MTUS2: variants seen among roughly 807,000 people sequenced by gnomAD.
MTUS2 encodes microtubule associated scaffold protein 2.
A neutral mutation model predicts 114.1 loss-of-function variants in MTUS2; 40 were observed. The observed-to-expected ratio is 0.35, with a 90% CI of 0.27 to 0.46. MTUS2 has a LOEUF of 0.46. Ranked by LOEUF, MTUS2 falls within the 20% of genes least tolerant of loss-of-function variation. The probability of loss-of-function intolerance (pLI) is 1.00; values close to 1 mark genes in which losing one functional copy is unlikely to be tolerated. For synonymous variants in MTUS2, 688 were observed against 672.0 expected (o/e 1.02, Z -0.37); for missense variants, 1,679 against 1,705.4 (o/e 0.98, Z 0.27).
intron 7 of MTUS2, among the ~76,000 whole-genome samples, chr13:29,334,696 G>T (rs1254111354): frequency 1.3e-5 from 2 of 152,068 alleles, no homozygotes; most frequent in African/African-American, 2.4e-5. Flanking sequence ...TGCTCTTCTC[G>T]AGGAGTATCT....
chr13:29,143,359 A>G (rs888860862), intron 5 of MTUS2, among the ~76,000 whole-genome samples: 3 of 152,176 alleles, frequency 2.0e-5, no homozygotes, highest in African/African-American at 7.2e-5. Flanking sequence ...TTTTTTCTAA[A>G]TTTGGTGCTC....
intron 9 of MTUS2, among the ~76,000 whole-genome samples, chr13:29,457,229 C>T (rs1052833933): frequency 6.6e-6 from 1 of 151,696 alleles, no homozygotes; most frequent in Non-Finnish European, 1.5e-5. Context: ...GCTATGAATA[C>T]ATCTATGTAA....
intron 7 of MTUS2, among the ~76,000 whole-genome samples, chr13:29,327,148 G>C (rs1320699851): frequency 2.8e-5 from 1 of 36,112 alleles, no homozygotes; most frequent in Non-Finnish European, 1.3e-4. Flanking sequence ...AAATGTATAA[G>C]TAAAAGGATG....
chr13:29,343,727 G>A (rs9506156), intron 7 of MTUS2, among the ~76,000 whole-genome samples: 29,448 of 151,656 alleles, frequency 0.19, 2,973 homozygotes, highest in Non-Finnish European at 0.23. Context: ...CTAGTTTCTC[G>A]AGGTATGACC....
rs753122727 is a variant in MTUS2 at position 29,498,402 on chromosome 13, C to A, written c.3679-16C>A. On this transcript the variant is annotated splice_polypyrimidine_tract_variant and intron_variant, in intron 13 of 15. Transcript: ENST00000612955. ...GGGAATCCTGGTCAACAGCTCATGG[C>A]TCTCTGCCTCTGTAGATTGCATTGG... 1.0e-4 allele frequency: 167 copies of A among 1,613,820 alleles called. No homozygotes were observed. Among genetic ancestry groups the A allele is most frequent in the Non-Finnish European group, 1.3e-4 (159 of 1,179,896 alleles).
At chr13:29,277,622 A>G (rs929578984) in intron 5 of MTUS2, among the ~76,000 whole-genome samples, 1 of 152,222 alleles carries the variant, frequency 6.6e-6, no homozygotes, top group African/African-American at 2.4e-5. Flanking sequence ...CAGACAGTGG[A>G]TATTTGTTCA....
At chr13:29,322,923 T>A (rs1900313449) in intron 6 of MTUS2, among the ~76,000 whole-genome samples, 1 of 152,142 alleles carries the variant, frequency 6.6e-6, no homozygotes, top group South Asian at 2.1e-4. Flanking sequence ...AATGATTGCT[T>A]AACTAAATGA....
chr13:29,366,816 T>G (rs1468983009), intron 8 of MTUS2, among the ~76,000 whole-genome samples: 1 of 152,146 alleles, frequency 6.6e-6, no homozygotes, highest in Admixed American at 6.5e-5. Flanking sequence ...AGCCCTCTCC[T>G]TGGTTCCTTT....
intron 6 of MTUS2, among the ~76,000 whole-genome samples, chr13:29,291,093 G>A (rs796234603): frequency 1.3e-5 from 2 of 152,160 alleles, no homozygotes; most frequent in South Asian, 2.1e-4. Context: ...GCAGGTACCC[G>A]AGAACCCAAC....
chr13:28,888,383 G>A (rs1427815148), intron 2 of MTUS2, among the ~76,000 whole-genome samples: 1 of 151,042 alleles, frequency 6.6e-6, no homozygotes, highest in East Asian at 1.9e-4. Context: ...ATATCAGATG[G>A]AGAAGACCCC....
Position 28,963,664 on chromosome 13 carries a change from A to T in MTUS2, c.-242-60793A>T, listed in dbSNP as rs112807897. 3.5e-3 allele frequency among the ~76,000 whole-genome samples: 536 copies of T among 152,298 alleles called. 2 individuals carry two copies. Among genetic ancestry groups the T allele is most frequent in the African/African-American group, 0.012 (517 of 41,558 alleles). On this transcript the variant is annotated intron_variant, in intron 2 of 15. Coordinates refer to ENST00000612955, the MANE Select transcript of MTUS2 (RefSeq NM_001033602.4). ...TTTCATCCATTTCACACAGTCCCCTATGCAGAAGCACTTTTTGAAAGAGTT... is the reference window on the plus strand; with the variant it reads ...TTTCATCCATTTCACACAGTCCCCTTTGCAGAAGCACTTTTTGAAAGAGTT...
At chr13:29,356,426 G>A (rs1291572969) in intron 7 of MTUS2, among the ~76,000 whole-genome samples, 2 of 152,216 alleles carry the variant, frequency 1.3e-5, no homozygotes, top group Non-Finnish European at 2.9e-5. Flanking sequence ...AAAATGAGAA[G>A]CAAACACCTG....
At chr13:29,222,083 A>T (rs6490377) in intron 5 of MTUS2, among the ~76,000 whole-genome samples, 3 of 152,090 alleles carry the variant, frequency 2.0e-5, no homozygotes, top group East Asian at 1.9e-4. Context: ...GAGTAGTGGG[A>T]CTACTGGCAG....
intron 8 of MTUS2, among the ~76,000 whole-genome samples, chr13:29,373,277 T>G (rs147747367): frequency 2.6e-5 from 4 of 152,198 alleles, no homozygotes; most frequent in African/African-American, 9.7e-5. Context: ...AAGGAAACTT[T>G]CCCATTTGCT....
intron 5 of MTUS2, among the ~76,000 whole-genome samples, chr13:29,146,979 A>G (rs1291580996): frequency 1.3e-5 from 2 of 152,232 alleles, no homozygotes; most frequent in African/African-American, 4.8e-5. Context: ...AGAAACAATG[A>G]GATATCACAC....
chr13:28,872,261 G>T (rs954259528), intron 2 of MTUS2, among the ~76,000 whole-genome samples: 1 of 152,112 alleles, frequency 6.6e-6, no homozygotes, highest in Non-Finnish European at 1.5e-5. Context: ...TGAATTCATG[G>T]GGGGTGTAAG....
At chr13:29,125,965 A>G (rs540834004) in intron 5 of MTUS2, among the ~76,000 whole-genome samples, 22 of 152,352 alleles carry the variant, frequency 1.4e-4, no homozygotes, top group African/African-American at 5.1e-4. Context: ...TGGCCAAAGG[A>G]TAGCCATAAT....
rs71090227 is a variant in MTUS2 at position 29,160,769 on chromosome 13, C to CAAA, written c.2644+59814_2644+59816dup. Among the ~76,000 whole-genome samples, 106 of 119,086 alleles carry CAAA rather than the reference C, an allele frequency of 8.9e-4. 1 individual carries two copies. Among genetic ancestry groups the CAAA allele is most frequent in the African/African-American group, 3.0e-3 (102 of 34,536 alleles). 78.1% of individuals were successfully genotyped at this position (119,086 alleles called of 152,430 possible). ...TGGGTGACAGAGCGAGACTCCGTCTCAAAAAAAAAAAAAAAAATTATATCT... is the reference window on the plus strand; with the variant it reads ...TGGGTGACAGAGCGAGACTCCGTCTCAAAAAAAAAAAAAAAAAAAATTATATCT... On this transcript the variant is annotated intron_variant, in intron 5 of 15. Transcript: ENST00000612955.
chr13:28,964,739 C>CTTTTTTTTTTTTTTTTTTTTTTTTT (rs771989715), intron 2 of MTUS2, among the ~76,000 whole-genome samples: 7 of 147,176 alleles, frequency 4.8e-5, no homozygotes, highest in Non-Finnish European at 1.1e-4. Flanking sequence ...GTACAAGAAG[C>CTTTTTTTTTTTTTTTTTTTTTTTTT]TTTTTTGTGT....
Sources: allele counts gnomAD v4.1 joint callset (sites outside exome capture counted in the v4.1 genomes callset), GRCh38; gene constraint gnomAD v4.1.1; transcripts MANE v1.5; gene names NCBI Gene and HGNC (gene_info 2026-07-23, HGNC 2026-07-21).